ADGRF5: variants seen among roughly 807,000 people sequenced by gnomAD.
ADGRF5 encodes the protein adhesion G protein-coupled receptor F5, also known as G-protein coupled receptor 116.
Under a neutral mutation model 132.3 loss-of-function variants are expected in ADGRF5, and 75 were observed. The ratio of observed to expected loss-of-function variants is 0.57; its 90% CI spans 0.47 to 0.69. ADGRF5 has a LOEUF of 0.69. Among genes scored for constraint, ADGRF5 ranks in the 30% least tolerant of loss-of-function variants. ADGRF5 has a pLI of 0.00. For missense variants in ADGRF5, 1,516 were observed against 1,630.6 expected, an observed-to-expected ratio of 0.93 and a Z score of 1.21; for synonymous variants, 629 against 597.6, an observed-to-expected ratio of 1.05 and a Z score of -0.77.
chr6:46,914,409 C>T (rs1254993476), intron 1 of ADGRF5, among the ~76,000 whole-genome samples: 1 of 152,146 alleles, frequency 6.6e-6, no homozygotes, highest in African/African-American at 2.4e-5. Context: ...TTATTTAACA[C>T]AAACATGGGA....
intron 2 of ADGRF5, among the ~76,000 whole-genome samples, chr6:46,903,899 C>T (rs1554208491): frequency 6.6e-6 from 1 of 152,116 alleles, no homozygotes; most frequent in Non-Finnish European, 1.5e-5. Flanking sequence ...ACATTGAAGC[C>T]TCACAACGAA....
At chr6:46,916,515 T>G (rs1399774743) in intron 1 of ADGRF5, among the ~76,000 whole-genome samples, 1 of 152,168 alleles carries the variant, frequency 6.6e-6, no homozygotes, top group Non-Finnish European at 1.5e-5. Flanking sequence ...CCCTCATCGG[T>G]TTGGATATTG....
intron 14 of ADGRF5, among the ~76,000 whole-genome samples, 188 bp downstream of exon 14, chr6:46,864,854 C>A (rs1301149517): frequency 6.6e-6 from 1 of 152,130 alleles, no homozygotes; most frequent in Non-Finnish European, 1.5e-5. Flanking sequence ...TAGATTTCTT[C>A]CCTAGGCTTG....
chr6:46,927,530 G>T (rs1582043348), intron 1 of ADGRF5, among the ~76,000 whole-genome samples: 1 of 152,140 alleles, frequency 6.6e-6, no homozygotes, highest in East Asian at 1.9e-4. Flanking sequence ...AGAAATAATG[G>T]TTGTAAGTAG....
chr6:46,877,361 C>T lies in ADGRF5; in HGVS notation c.1240+841G>A, dbSNP rs1335921202. Among the ~76,000 whole-genome samples, 6 of 51,172 alleles carry T rather than the reference C, an allele frequency of 1.2e-4. 1 individual carries two copies. Among genetic ancestry groups the T allele is most frequent in the African/African-American group, 4.1e-4 (6 of 14,544 alleles). The allele number at this position is 51,172 out of a possible 152,430, so 33.6% of individuals were successfully genotyped here. A position where few individuals can be genotyped will look rare whatever the true frequency, so the allele number is the denominator to read the frequency against. On this transcript the variant is annotated intron_variant, in intron 10 of 20. Transcript: ENST00000283296. ...TCTTTCTTTCTTTCTTTCTTTCTTTCTTTCTTTCTTTCTTTCTTTCTTTCT... is the reference window on the plus strand; with the variant it reads ...TCTTTCTTTCTTTCTTTCTTTCTTTTTTTCTTTCTTTCTTTCTTTCTTTCT...
At chr6:46,916,142 G>A (rs1776398143) in intron 1 of ADGRF5, among the ~76,000 whole-genome samples, 1 of 152,172 alleles carries the variant, frequency 6.6e-6, no homozygotes, top group Non-Finnish European at 1.5e-5. Flanking sequence ...CAGTTTATGT[G>A]AGAATTCCCA....
intron 3 of ADGRF5, among the ~76,000 whole-genome samples, chr6:46,899,392 G>C (rs537096838): frequency 1.6e-4 from 25 of 152,248 alleles, no homozygotes; most frequent in African/African-American, 4.3e-4. Context: ...TCTATGCTGG[G>C]AGTGGGAGCA....
chr6:46,937,250 GT>G (rs1777880502), intron 1 of ADGRF5, among the ~76,000 whole-genome samples: 1 of 151,276 alleles, frequency 6.6e-6, no homozygotes, highest in Non-Finnish European at 1.5e-5. Context: ...GTGTGTGTGT[GT>G]GAGTGTGTGT....
intron 1 of ADGRF5, among the ~76,000 whole-genome samples, chr6:46,941,343 AG>A (rs1440708633): frequency 3.3e-5 from 5 of 151,420 alleles, no homozygotes; most frequent in African/African-American, 1.2e-4. Flanking sequence ...AGAAAGACAG[AG>A]AGAGAGAAAG....
At chr6:46,876,162 G>A (rs993231074) in intron 10 of ADGRF5, among the ~76,000 whole-genome samples, 4 of 152,202 alleles carry the variant, frequency 2.6e-5, no homozygotes, top group African/African-American at 9.6e-5. Flanking sequence ...AAGCAGCAAG[G>A]GCAGGAGAAA....
At chr6:46,924,969 GTCTCTGTGCATCT>G (rs1777175423), upstream of ADGRF5, among the ~76,000 whole-genome samples, 1 of 152,172 alleles carries the variant, frequency 6.6e-6, no homozygotes, top group Admixed American at 6.5e-5. Context: ...TGTCTTATCT[GTCTCTGTGCATCT>G]CCTCTTGTCA....
Position 46,858,857 on chromosome 6 carries a change from A to G in ADGRF5, c.3046T>C (p.Ser1016Pro). The G allele has an allele frequency of 6.2e-7, 1 of 1,614,062 alleles. No individual in the cohort carries two copies. The highest frequency in any genetic ancestry group is 1.3e-5 in the African/African-American group (1 of 75,020). The change falls in exon 17 of 21, where the codon TCT (serine) becomes CCT (proline). Residue 1016 changes from serine (S) to proline (P), a missense_variant. Ser to Pro is a moderately conservative substitution (Grantham distance 74). Transcript: ENST00000283296. Reference protein sequence around the residue: ...SLLGILLDIISYVGVGFSILS... With the variant: ...SLLGILLDIIPYVGVGFSILS... ...ATGGAAAAGCCCACCCCAACATAAG[A>G]AATAATATCCAGGAGTATTCCCAGG... is the stretch of plus-strand genomic sequence containing the variant.
In ADGRF5 at chr6:46,858,353, C is replaced by G. The variant is rs750607895; in HGVS notation, c.3550G>C (p.Val1184Leu). ...AFAIPALIIV[V>L]VNITITIVVI... ...ACAATAGTGATGGTTATGTTCACCA[C>G]CACAATGATCAGTGCTGGGATGGCG... is the stretch of plus-strand genomic sequence containing the variant. Residue 1184 changes from valine to leucine, a missense_variant, in exon 17 of 21, where the codon GTG becomes CTG. Val to Leu is a conservative substitution (Grantham distance 32, BLOSUM62 1). Transcript: ENST00000283296. 3.1e-6 allele frequency: 5 copies of G among 1,613,694 alleles called. No individual in the cohort carries two copies. The highest frequency in any genetic ancestry group is 3.4e-6 in the Non-Finnish European group (4 of 1,179,656).
chr6:46,954,374 T>G (rs1778643894), intron 1 of ADGRF5, among the ~76,000 whole-genome samples: 1 of 149,968 alleles, frequency 6.7e-6, no homozygotes, highest in Non-Finnish European at 1.5e-5. Context: ...GAAATCATGG[T>G]AGAGGTCTAT....
chr6:46,867,001 A>T lies in ADGRF5; in HGVS notation c.1758T>A (p.His586Gln). The T allele has an allele frequency of 1.2e-6, 2 of 1,613,968 alleles. No individual in the cohort carries two copies. Among genetic ancestry groups the T allele is most frequent in the Non-Finnish European group, 1.7e-6 (2 of 1,179,810 alleles). ...CCTCCTCTATGCAGCACTTGATGTG[A>T]TGGGAACCACTGCATGAAACAGTAG... ...LEATVSCSGS[H>Q]HIKCCIEEDG... is the part of the protein sequence containing the mutation. The change falls in exon 13 of 21, where the codon CAT (histidine) becomes CAA (glutamine). Residue 586 changes from histidine to glutamine, a missense_variant. Coordinates refer to ENST00000283296, the MANE Select transcript of ADGRF5 (RefSeq NM_001098518.2).
At position 46,862,653 on chromosome 6, in the gene ADGRF5, C is replaced by T. The variant is rs576590742; in HGVS notation, c.2199+235G>A. The stretch of plus-strand genomic sequence containing the variant: ...AGAAGTCAAGGTTAAGGTATCTAGT[C>T]GGTCTGAGAGCAGAACACATACTTA... On this transcript the variant is annotated intron_variant, in intron 15 of 20. Transcript: ENST00000283296. Among the ~76,000 whole-genome samples, 135 of 130,610 alleles carry T rather than the reference C, an allele frequency of 1.0e-3. 1 individual carries two copies. The highest frequency in any genetic ancestry group is 2.5e-3 in the African/African-American group (88 of 34,622). The allele number at this position is 130,610 out of a possible 152,430, so 85.7% of individuals were successfully genotyped here.
chr6:46,944,359 T>C (rs1025440145), intron 1 of ADGRF5, among the ~76,000 whole-genome samples: 4 of 152,252 alleles, frequency 2.6e-5, no homozygotes, highest in Non-Finnish European at 4.4e-5. Flanking sequence ...CCATGGCTCA[T>C]GTCCTGCTGT....
intron 17 of ADGRF5, among the ~76,000 whole-genome samples, chr6:46,857,598 C>A (rs1408632722): frequency 2.0e-5 from 3 of 152,136 alleles, no homozygotes; most frequent in African/African-American, 7.2e-5. Flanking sequence ...GATGTTTTTT[C>A]ATTGTAGTAT....
At chr6:46,898,538 T>C (rs904052684) in intron 3 of ADGRF5, among the ~76,000 whole-genome samples, 1 of 151,748 alleles carries the variant, frequency 6.6e-6, no homozygotes, top group African/African-American at 2.4e-5. Flanking sequence ...AAACAAAGGC[T>C]GAAACGGAAA....
Sources: allele counts gnomAD v4.1 joint callset (sites outside exome capture counted in the v4.1 genomes callset), GRCh38; gene constraint gnomAD v4.1.1; transcripts MANE v1.5; gene names NCBI Gene and HGNC (gene_info 2026-07-23, HGNC 2026-07-21).